Variants in EP400 observed in about 807,000 individuals in gnomAD.
The protein encoded by EP400 is E1A binding protein p400, also known as E1A-binding protein p400.
Under a neutral mutation model 354.1 loss-of-function variants are expected in EP400, and 105 were observed. The observed-to-expected ratio is 0.30, with a 90% confidence interval of 0.25 to 0.35. EP400 has a LOEUF of 0.35. EP400 is among the 10% of genes least tolerant of loss of function. EP400 has a pLI of 1.00. For missense variants in EP400, 3,280 were observed against 4,121.0 expected (o/e 0.80, Z 5.59); for synonymous variants, 1,646 against 1,716.9 (o/e 0.96, Z 1.02).
Position 131,982,098 on chromosome 12 carries a change from A to G in EP400, c.1549A>G (p.Met517Val). 6.6e-7 allele frequency: 1 copy of G among 1,508,782 alleles called. No homozygotes were observed. The highest frequency in any genetic ancestry group is 8.8e-7 in the Non-Finnish European group (1 of 1,132,898). The allele number at this position is 1,508,782 out of a possible 1,614,324, so 93.5% of individuals were successfully genotyped here. ...GCACTTTTCTTATTTTGCAGGAGGA[A>G]TGCCCCCCACGCCGCAGGCCGCGCA... ...QQLMPTAQGG[M>V]PPTPQAAQLA... Residue 517 changes from methionine to valine, a missense_variant, in exon 5 of 53, where the codon ATG becomes GTG. By Grantham distance (21) the Met-to-Val change is conservative (BLOSUM62 1). Transcript: ENST00000389561.
chr12:132,023,047 T>C (rs1047943387), intron 23 of EP400, among the ~76,000 whole-genome samples: 4 of 152,170 alleles, frequency 2.6e-5, no homozygotes, highest in Admixed American at 6.5e-5. Context: ...GTGAGCTAAA[T>C]TGGACAGGTA....
At chr12:132,006,987 CCTAT>C (rs1234607028) in intron 15 of EP400, 110 bp downstream of exon 15, 1 of 1,249,716 alleles carries the variant, frequency 8.0e-7, no homozygotes, top group Non-Finnish European at 1.1e-6. Context: ...CTTCTTTGCT[CCTAT>C]CTGTTGACCT....
In EP400 at chr12:132,030,332, C is replaced by A. The variant is rs562060979; in HGVS notation, c.5754+174C>A. Among the ~76,000 whole-genome samples the A allele has an allele frequency of 2.6e-5, 4 of 152,270 alleles. No individual in the cohort carries two copies. In the East Asian group the frequency reaches 7.7e-4, roughly 29 times the overall value. On this transcript the variant is annotated intron_variant, in intron 29 of 52. Coordinates refer to ENST00000389561, the MANE Select transcript of EP400 (RefSeq NM_015409.5). Reference sequence around the variant, plus strand: ...ATCCTTCGATATTTTTTATTAAAAGCCACGTTGTTAGGTAAATGCAGTCTT... The same window carrying A: ...ATCCTTCGATATTTTTTATTAAAAGACACGTTGTTAGGTAAATGCAGTCTT...
At chr12:131,978,823 T>TC (rs1892573120) in intron 2 of EP400, among the ~76,000 whole-genome samples, 1 of 152,220 alleles carries the variant, frequency 6.6e-6, no homozygotes, top group Non-Finnish European at 1.5e-5. Flanking sequence ...TGGCTTTTTT[T>TC]CACTTTAAAC....
intron 48 of EP400, 191 bp downstream of exon 48, chr12:132,065,077 C>T: frequency 9.6e-6 from 10 of 1,043,602 alleles, no homozygotes; most frequent in Non-Finnish European, 1.3e-5. Flanking sequence ...ACAGCAGCAG[C>T]TCCCAGAGCC....
In EP400 at chr12:131,960,707, G is replaced by GGGGCCCCCCCCCCCCCC; in HGVS notation, c.88_89insGGGCCCCCCCCCCCCCC (p.Ala30GlyfsTer38). 1 of 1,545,590 alleles carries GGGGCCCCCCCCCCCCCC rather than the reference G, an allele frequency of 6.5e-7. No individual in the cohort carries two copies. Among genetic ancestry groups the GGGGCCCCCCCCCCCCCC allele is most frequent in the Non-Finnish European group, 8.7e-7 (1 of 1,146,246 alleles). ...TGGCAGCGAGGGTGAGGAGCAGCCGGCCCACCCCAACCCACCCCCGTCCCC... is the reference window on the plus strand; with the variant it reads ...TGGCAGCGAGGGTGAGGAGCAGCCGGGGGCCCCCCCCCCCCCCCCCACCCCAACCCACCCCCGTCCCC... On this transcript the variant is annotated frameshift_variant, in exon 2 of 53. Coordinates refer to ENST00000389561, the MANE Select transcript of EP400 (RefSeq NM_015409.5). LOFTEE classifies it high-confidence loss of function.
intron 34 of EP400, among the ~76,000 whole-genome samples, chr12:132,043,934 G>A (rs1447295955): frequency 6.6e-6 from 1 of 152,148 alleles, no homozygotes; most frequent in African/African-American, 2.4e-5. Flanking sequence ...CATGGGGCTT[G>A]TTCTCCCCTC....
At chr12:131,991,332 C>G in intron 9 of EP400, 75 bp from the exon 10 acceptor site, 1 of 1,496,940 alleles carries the variant, frequency 6.7e-7, no homozygotes, top group Non-Finnish European at 9.3e-7. Flanking sequence ...GCAGCAGGAC[C>G]CTGCCTGGAA....
At position 132,067,603 on chromosome 12, in the gene EP400, G is replaced by A; in HGVS notation, c.8874+117G>A. 2 of 1,410,214 alleles carry A rather than the reference G, an allele frequency of 1.4e-6. No homozygotes were observed. Among genetic ancestry groups the A allele is most frequent in the East Asian group, 2.3e-5 (1 of 43,154 alleles). The allele number at this position is 1,410,214 out of a possible 1,614,324, so 87.4% of individuals were successfully genotyped here. A position where few individuals can be genotyped will look rare whatever the true frequency, so the allele number is the denominator to read the frequency against. Reference sequence around the variant, plus strand: ...TGGCGGCTCACGCTTTTCAGAGGGTGGCTTCAAGGGCTGGAGGTGCTAGTG... The same window carrying A: ...TGGCGGCTCACGCTTTTCAGAGGGTAGCTTCAAGGGCTGGAGGTGCTAGTG... On this transcript the variant is annotated intron_variant, in intron 50 of 52. Coordinates refer to ENST00000389561, the MANE Select transcript of EP400 (RefSeq NM_015409.5). This position sits in a 1 kb window ranked among gnomAD's most constrained non-coding sequence, Gnocchi z 5.3.
chr12:132,045,012 A>C lies in EP400; in HGVS notation c.6784+59A>C, dbSNP rs1482441452. ...GGGCCCTGGCCTGCAGAATCCCTGC[A>C]TGTCAGCCACTTTCTGCTGTCTGCC... On this transcript the variant is annotated intron_variant, in intron 37 of 52. Transcript: ENST00000389561. 5.0e-6 allele frequency: 8 copies of C among 1,595,726 alleles called. No individual in the cohort carries two copies. In the South Asian group the frequency reaches 7.8e-5, roughly 16 times the overall value.
At chr12:132,045,599 G>C in intron 38 of EP400, 39 bp downstream of exon 38, 2 of 1,609,806 alleles carry the variant, frequency 1.2e-6, no homozygotes, top group Non-Finnish European at 1.7e-6. Flanking sequence ...GTCATGTGCG[G>C]TCATTTTTCT....
At chr12:131,967,583 G>C (rs901891503) in intron 2 of EP400, among the ~76,000 whole-genome samples, 4 of 151,784 alleles carry the variant, frequency 2.6e-5, no homozygotes, top group African/African-American at 9.7e-5. Context: ...CCAGCTACTT[G>C]GGAGTCTGAG....
chr12:131,980,001 G>C (rs867813630), intron 3 of EP400, among the ~76,000 whole-genome samples: 12 of 152,224 alleles, frequency 7.9e-5, no homozygotes, highest in Non-Finnish European at 1.2e-4. Context: ...AGTTGAGCAG[G>C]TGTATTCCGT....
At chr12:132,015,974 C>G (rs913163431) in intron 19 of EP400, among the ~76,000 whole-genome samples, 2 of 152,172 alleles carry the variant, frequency 1.3e-5, no homozygotes, top group East Asian at 1.9e-4. Context: ...CCAGACCAGA[C>G]TCCCTACCTG....
rs779452791 is a variant in EP400, at chr12:132,045,412, G to A, written c.6878G>A (p.Arg2293His). Residue 2293 changes from arginine to histidine, a missense_variant, in exon 38 of 53, where the codon CGC (arginine) becomes CAC (histidine). Physicochemically the swap from Arg to His is conservative, Grantham distance 29. Coordinates refer to ENST00000389561, the MANE Select transcript of EP400 (RefSeq NM_015409.5). Reference sequence around the variant, plus strand: ...GCAACACCAGGACTTCTGAAAATTCGCAGAGAGGGCAAGGAGCAGAAGAAG... The same window carrying A: ...GCAACACCAGGACTTCTGAAAATTCACAGAGAGGGCAAGGAGCAGAAGAAG... ...DRATPGLLKI[R>H]REGKEQKKNI... 13 of 1,614,116 alleles carry A rather than the reference G, an allele frequency of 8.1e-6. No homozygotes were observed. Among genetic ancestry groups the A allele is most frequent in the Non-Finnish European group, 1.1e-5 (13 of 1,180,056 alleles).
At chr12:131,966,077 G>A (rs1892068433) in intron 2 of EP400, among the ~76,000 whole-genome samples, 2 of 152,018 alleles carry the variant, frequency 1.3e-5, no homozygotes, top group South Asian at 2.1e-4. Context: ...TCAGATTTCT[G>A]GGTATGTTGA....
At chr12:132,021,606 C>T (rs1377701401) in intron 23 of EP400, among the ~76,000 whole-genome samples, 2 of 152,224 alleles carry the variant, frequency 1.3e-5, no homozygotes, top group African/African-American at 4.8e-5. Context: ...GTGCTGTGGA[C>T]GGCACTTCCC....
chr12:132,002,113 CT>C (rs1893436548), intron 12 of EP400, among the ~76,000 whole-genome samples: 1 of 152,076 alleles, frequency 6.6e-6, no homozygotes, highest in Non-Finnish European at 1.5e-5. Context: ...GATCTGTGTT[CT>C]TTTGTAAAGC....
chr12:131,970,110 G>T (rs149528405), intron 2 of EP400, among the ~76,000 whole-genome samples: 1 of 152,132 alleles, frequency 6.6e-6, no homozygotes, highest in East Asian at 1.9e-4. Flanking sequence ...CAGAAAATTT[G>T]TTAGTGGGAC....
Sources: allele counts gnomAD v4.1 joint callset (sites outside exome capture counted in the v4.1 genomes callset), GRCh38; gene constraint gnomAD v4.1.1; non-coding constraint Gnocchi (gnomAD v3.1); transcripts MANE v1.5; gene names NCBI Gene and HGNC (gene_info 2026-07-23, HGNC 2026-07-21).